Variants in ZNF860 observed in about 807,000 individuals in gnomAD.
ZNF860 encodes zinc finger protein 860.
For missense variants in ZNF860, 641 were observed against 759.2 expected (o/e 0.84, Z 1.83); for synonymous variants, 206 against 248.9 (o/e 0.83, Z 1.62).
intron 1 of ZNF860, among the ~76,000 whole-genome samples, chr3:31,982,877 T>C (rs12632539): frequency 0.084 from 12,870 of 152,318 alleles, 1,068 homozygotes; most frequent in East Asian, 0.47. Flanking sequence ...ACATGGACCT[T>C]AGGCTTGGCC....
chr3:32,006,048 A>G, the ZNF860 span, among the ~76,000 whole-genome samples: 3 of 151,926 alleles, frequency 2.0e-5, no homozygotes, highest in African/African-American at 7.2e-5. Flanking sequence ...AGGTTCTAGC[A>G]ATTCTCCCAC....
Position 31,991,022 on chromosome 3 carries a change from AT to A in ZNF860, c.*46del, listed in dbSNP as rs201417413. 2,629 of 1,509,324 alleles carry A rather than the reference AT, an allele frequency of 1.7e-3. 55 individuals are homozygous for A. The African/African-American group carries it at 0.033, about 19-fold the overall frequency. The allele number at this position is 1,509,324 out of a possible 1,614,324, so 93.5% of individuals were successfully genotyped here. A position where few individuals can be genotyped will look rare whatever the true frequency, so the allele number is the denominator to read the frequency against. ...CATCAGAAAATTCATTCCTGAGATA[AT>A]TGTTCCAAATGCAATGAGTATAGCA... On this transcript the variant is annotated 3_prime_UTR_variant, in exon 2 of 2. Transcript: ENST00000360311.
Position 31,990,835 on chromosome 3 carries a change from A to C in ZNF860, c.1756A>C (p.Arg586=). The change falls in exon 2 of 2, where the codon AGA becomes CGA. Residue 586 remains arginine (R), a synonymous_variant. Coordinates refer to ENST00000360311, the MANE Select transcript of ZNF860 (RefSeq NM_001137674.3). The stretch of plus-strand genomic sequence containing the variant: ...AGCTTCATCTTATGCAAAACAAAGG[A>C]GAATTCATATGGGAGAGAAACATCA... ...SQASSYAKQR[R]IHMGEKHHKC... The C allele has an allele frequency of 6.3e-7, 1 of 1,590,842 alleles. No homozygotes were observed. The highest frequency in any genetic ancestry group is 1.8e-5 in the Admixed American group (1 of 55,732).
At chr3:31,995,497 T>G (rs1304507192), downstream of ZNF860, among the ~76,000 whole-genome samples, 1 of 152,210 alleles carries the variant, frequency 6.6e-6, no homozygotes, top group Non-Finnish European at 1.5e-5. Flanking sequence ...CTTATGGTTG[T>G]CTTCCCTTGT....
chr3:32,005,876 G>A, the ZNF860 span, among the ~76,000 whole-genome samples: 3 of 152,014 alleles, frequency 2.0e-5, no homozygotes, highest in Non-Finnish European at 2.9e-5. Context: ...GTGAGCCACC[G>A]TGCCCAGCCC....
At chr3:32,003,613 G>A in the ZNF860 span, among the ~76,000 whole-genome samples, 8 of 152,308 alleles carry the variant, frequency 5.3e-5, no homozygotes, top group South Asian at 8.3e-4. Context: ...TCCTGGGAGG[G>A]AACAGACTGC....
Position 31,990,227 on chromosome 3 carries a change from C to G in ZNF860, c.1148C>G (p.Ser383Ter), listed in dbSNP as rs750897361. ...TGTGGCAAAGCCTTTAGTGGGCAGT[C>G]AACACTTATTCACCATCAAGCAATC... is the stretch of plus-strand genomic sequence containing the variant. ...NECGKAFSGQ[S>*]TLIHHQAIHG... The change falls in exon 2 of 2, where the codon TCA becomes TGA. Residue 383 changes from serine to a stop codon, truncating the protein, a stop_gained. Coordinates refer to ENST00000360311, the MANE Select transcript of ZNF860 (RefSeq NM_001137674.3). LOFTEE classifies it low-confidence loss of function (END_TRUNC). 1.9e-6 allele frequency: 3 copies of G among 1,613,918 alleles called. No individual in the cohort carries two copies. In the South Asian group the frequency reaches 3.3e-5, roughly 18 times the overall value.
intron 1 of ZNF860, among the ~76,000 whole-genome samples, chr3:31,982,791 G>A (rs1436402768): frequency 1.3e-5 from 2 of 152,340 alleles, no homozygotes; most frequent in African/African-American, 4.8e-5. Context: ...GATACCGGCT[G>A]TAATAAACTA....
chr3:32,005,230 C>G, the ZNF860 span, among the ~76,000 whole-genome samples: 1 of 151,978 alleles, frequency 6.6e-6, no homozygotes, highest in Non-Finnish European at 1.5e-5. Flanking sequence ...CTCCCCTTGC[C>G]CCCTATCCCC....
downstream of ZNF860, among the ~76,000 whole-genome samples, chr3:31,994,851 A>G (rs1402549272): frequency 6.6e-6 from 1 of 152,132 alleles, no homozygotes; most frequent in African/African-American, 2.4e-5. Flanking sequence ...GGTTCTTTCT[A>G]TTTTCCCTAA....
chr3:31,999,998 G>A, the ZNF860 span, among the ~76,000 whole-genome samples: 1 of 152,140 alleles, frequency 6.6e-6, no homozygotes, highest in Non-Finnish European at 1.5e-5. Context: ...TGCGGCCTCA[G>A]CTATAACAGG....
chr3:31,989,744 A>G lies in ZNF860; in HGVS notation c.665A>G (p.Glu222Gly). ...FHSSLLTLKQEVHIREKSFQC... is the reference protein window; with the variant it reads ...FHSSLLTLKQGVHIREKSFQC... ...TCATCATTACTCACACTAAAACAGGAAGTACACATAAGAGAAAAATCTTTC... is the reference window on the plus strand; with the variant it reads ...TCATCATTACTCACACTAAAACAGGGAGTACACATAAGAGAAAAATCTTTC... The change falls in exon 2 of 2, where the codon GAA becomes GGA. Residue 222 changes from glutamate (E) to glycine (G), a missense_variant. By Grantham distance (98) the Glu-to-Gly change is moderately conservative (BLOSUM62 -2). Coordinates refer to ENST00000360311, the MANE Select transcript of ZNF860 (RefSeq NM_001137674.3). 2 of 1,614,150 alleles carry G rather than the reference A, an allele frequency of 1.2e-6. No homozygotes were observed. Among genetic ancestry groups the G allele is most frequent in the Non-Finnish European group, 1.7e-6 (2 of 1,180,012 alleles).
chr3:31,992,913 G>A (rs1198808294), downstream of ZNF860, among the ~76,000 whole-genome samples: 1 of 152,200 alleles, frequency 6.6e-6, no homozygotes, highest in Admixed American at 6.5e-5. Flanking sequence ...TGAGGCAGGA[G>A]TATCACTTGA....
At chr3:31,999,359 C>CTTTTT in the ZNF860 span, among the ~76,000 whole-genome samples, 2 of 125,862 alleles carry the variant, frequency 1.6e-5, no homozygotes, top group East Asian at 2.2e-4. Flanking sequence ...ATATCAAAAT[C>CTTTTT]TTTTTTTTTT....
In ZNF860 at chr3:31,990,180, G is replaced by T. The variant is rs1455192178; in HGVS notation, c.1101G>T (p.Glu367Asp). The change falls in exon 2 of 2, where the codon GAG becomes GAT. Residue 367 changes from glutamate to aspartate, a missense_variant. Coordinates refer to ENST00000360311, the MANE Select transcript of ZNF860 (RefSeq NM_001137674.3). ...LTQHTRIHTG[E>D]KPYKCNECGK... ...AACACACTAGAATTCACACTGGAGAGAAACCTTACAAGTGTAATGAGTGTG... is the reference window on the plus strand; with the variant it reads ...AACACACTAGAATTCACACTGGAGATAAACCTTACAAGTGTAATGAGTGTG... 1 of 1,613,940 alleles carries T rather than the reference G, an allele frequency of 6.2e-7. No homozygotes were observed. The highest frequency in any genetic ancestry group is 1.1e-5 in the South Asian group (1 of 91,060).
At chr3:31,982,613 C>A (rs1698872843) in intron 1 of ZNF860, among the ~76,000 whole-genome samples, 1 of 151,248 alleles carries the variant, frequency 6.6e-6, no homozygotes, top group South Asian at 2.1e-4. Flanking sequence ...TGGTTGTGCC[C>A]CTGAGTAAAT....
the ZNF860 span, among the ~76,000 whole-genome samples, chr3:32,006,050 T>G: frequency 6.6e-6 from 1 of 152,092 alleles, no homozygotes; most frequent in Non-Finnish European, 1.5e-5. Flanking sequence ...GTTCTAGCAA[T>G]TCTCCCACCT....
rs1216812642 is a variant in ZNF860, at chr3:31,991,199, AC to A, written c.*222del. On this transcript the variant is annotated 3_prime_UTR_variant, in exon 2 of 2. Transcript: ENST00000360311. ...GGTGGCTTATACCTGTAATCCCAGC[AC>A]TGTGGGAGGTCAAGACGGATAGATC... is the stretch of plus-strand genomic sequence containing the variant. 3.7e-6 allele frequency: 2 copies of A among 546,720 alleles called. No homozygotes were observed. Among genetic ancestry groups the A allele is most frequent in the African/African-American group, 3.8e-5 (2 of 52,336 alleles). 33.9% of individuals were successfully genotyped at this position (546,720 alleles called of 1,614,324 possible). A position where few individuals can be genotyped will look rare whatever the true frequency, so the allele number is the denominator to read the frequency against.
the ZNF860 span, among the ~76,000 whole-genome samples, chr3:31,999,497 A>G: frequency 6.6e-6 from 1 of 151,388 alleles, no homozygotes; most frequent in East Asian, 2.0e-4. Context: ...AGTAGCTGAG[A>G]TTACAGGCAT....
Sources: gnomAD v4.1 joint callset for allele counts (sites outside exome capture counted in the v4.1 genomes callset) on GRCh38, gnomAD v4.1.1 for gene constraint, MANE v1.5 for transcripts, NCBI Gene and HGNC (gene_info 2026-07-23, HGNC 2026-07-21) for gene names.